VPS13B: variants seen among roughly 807,000 people sequenced by gnomAD.
The protein encoded by VPS13B is intermembrane lipid transfer protein VPS13B.
VPS13B carries 285 observed loss-of-function variants against 426.4 expected under a neutral mutation model. The observed-to-expected ratio is 0.67, with a 90% CI of 0.61 to 0.74. The LOEUF is 0.74. VPS13B is among the 30% of genes least tolerant of loss of function. The probability of loss-of-function intolerance (pLI) is 0.00; values close to 1 mark genes in which losing one functional copy is unlikely to be tolerated. For missense variants in VPS13B, 4,537 were observed against 4,782.6 expected (o/e 0.95, Z 1.51); for synonymous variants, 1,676 against 1,676.4 (o/e 1.00, Z 0.01).
At chr8:99,352,440 T>A (rs1408468678) in intron 19 of VPS13B, among the ~76,000 whole-genome samples, 1 of 152,186 alleles carries the variant, frequency 6.6e-6, no homozygotes, top group Non-Finnish European at 1.5e-5. Flanking sequence ...CCATAGAGAT[T>A]ATTAGAAGAA....
chr8:99,857,408 G>T (rs757171360), intron 56 of VPS13B, among the ~76,000 whole-genome samples: 1 of 152,170 alleles, frequency 6.6e-6, no homozygotes, highest in East Asian at 1.9e-4. Context: ...ACCTTCTGCC[G>T]TTAGGTACAC....
chr8:99,763,983 C>A (rs1288610254), intron 39 of VPS13B, among the ~76,000 whole-genome samples: 1 of 152,080 alleles, frequency 6.6e-6, no homozygotes, highest in African/African-American at 2.4e-5. Context: ...AACATTTAGT[C>A]CTGTTGAAAG....
At chr8:99,178,119 C>G (rs185953220) in intron 16 of VPS13B, among the ~76,000 whole-genome samples, 84 of 150,954 alleles carry the variant, frequency 5.6e-4, no homozygotes, top group Admixed American at 2.5e-3. Context: ...TTTTTCTTAA[C>G]TGTGTTTTGA....
At chr8:99,133,190 G>T (rs939636728) in intron 8 of VPS13B, among the ~76,000 whole-genome samples, 7 of 152,176 alleles carry the variant, frequency 4.6e-5, no homozygotes, top group African/African-American at 1.7e-4. Context: ...GGGTAACTGC[G>T]TGCAGCTTCT....
At chr8:99,026,978 G>T (rs1026605048) in intron 2 of VPS13B, among the ~76,000 whole-genome samples, 2 of 152,142 alleles carry the variant, frequency 1.3e-5, no homozygotes, top group African/African-American at 4.8e-5. Context: ...CCAGGTTCAA[G>T]TGATTCTCCC....
rs1814824684 is a variant in VPS13B, at chr8:99,828,392, CCGTTTTTTTTT to C, written c.9331-3976_9331-3966del. Among the ~76,000 whole-genome samples, 43 of 47,644 alleles carry C rather than the reference CCGTTTTTTTTT, an allele frequency of 9.0e-4. 1 individual carries two copies. Among genetic ancestry groups the C allele is most frequent in the East Asian group, 2.9e-3 (4 of 1,378 alleles). 31.3% of individuals were successfully genotyped at this position (47,644 alleles called of 152,430 possible). A position where few individuals can be genotyped will look rare whatever the true frequency, so the allele number is the denominator to read the frequency against. On this transcript the variant is annotated intron_variant, in intron 51 of 61. Coordinates refer to ENST00000357162, the MANE Select transcript of VPS13B (RefSeq NM_152564.5). ...TTATCAGAGACTAGGATTACAACCA[CCGTTTTTTTTT>C]TTTTTTTTTTTTTTTTTTTTTTTTT... is the stretch of plus-strand genomic sequence containing the variant.
At chr8:99,637,443 TC>T (rs900958803) in intron 33 of VPS13B, among the ~76,000 whole-genome samples, 1 of 152,100 alleles carries the variant, frequency 6.6e-6, no homozygotes, top group Non-Finnish European at 1.5e-5. Flanking sequence ...TTCTTTTCCT[TC>T]CAATGAAAGC....
intron 35 of VPS13B, among the ~76,000 whole-genome samples, chr8:99,676,536 C>G (rs1044792934): frequency 6.6e-6 from 1 of 151,732 alleles, no homozygotes; most frequent in African/African-American, 2.4e-5. Flanking sequence ...TCTAGTTCCC[C>G]CAAGCAGACG....
chr8:99,461,539 A>ATT (rs147462420), intron 23 of VPS13B, among the ~76,000 whole-genome samples: 5 of 151,534 alleles, frequency 3.3e-5, no homozygotes, highest in Non-Finnish European at 5.9e-5. Flanking sequence ...AGCTAGATAA[A>ATT]TTTTTTTTTA....
At chr8:99,395,073 A>G (rs1363804897) in intron 21 of VPS13B, among the ~76,000 whole-genome samples, 1 of 152,246 alleles carries the variant, frequency 6.6e-6, no homozygotes, top group African/African-American at 2.4e-5. Context: ...CCTCATAGAA[A>G]GGAAACAAAG....
chr8:99,234,008 C>G, intron 17 of VPS13B: 1 of 775,036 alleles, frequency 1.3e-6, no homozygotes, highest in Non-Finnish European at 2.4e-6. Flanking sequence ...TATGGTCAAG[C>G]CCTCCTTTCA....
At chr8:99,541,111 T>C (rs775118012) in intron 30 of VPS13B, among the ~76,000 whole-genome samples, 5 of 152,290 alleles carry the variant, frequency 3.3e-5, no homozygotes, top group Admixed American at 1.3e-4. Flanking sequence ...ATACCCTATA[T>C]ACTGTATTTT....
intron 43 of VPS13B, among the ~76,000 whole-genome samples, chr8:99,785,870 T>C (rs912030242): frequency 6.6e-6 from 1 of 152,178 alleles, no homozygotes; most frequent in Admixed American, 6.5e-5. Context: ...ATGAATTATG[T>C]GGGACAGGAA....
rs558202539 is a variant in VPS13B, at chr8:99,246,619, G to T, written c.2516-27579G>T. ...GCGGTGGCTCACGCCTGTAATCCCA[G>T]CACTTTGGGAGGCCGAGGTGGGTGG... On this transcript the variant is annotated intron_variant, in intron 17 of 61. Transcript: ENST00000357162. 1.4e-4 allele frequency among the ~76,000 whole-genome samples: 22 copies of T among 152,202 alleles called. 1 individual carries two copies. Among genetic ancestry groups the T allele is most frequent in the African/African-American group, 5.3e-4 (22 of 41,546 alleles).
Position 99,699,568 on chromosome 8 carries a change from G to A in VPS13B, c.6090G>A (p.Leu2030=). The change falls in exon 36 of 62, where the codon CTG becomes CTA. Residue 2030 remains leucine (L), a synonymous_variant. Coordinates refer to ENST00000357162, the MANE Select transcript of VPS13B (RefSeq NM_152564.5). ...TATCAAAGCCTTTGAAAGCAAACCTGAGTTTCACCAAACTGGATCAGATAA... is the reference window on the plus strand; with the variant it reads ...TATCAAAGCCTTTGAAAGCAAACCTAAGTTTCACCAAACTGGATCAGATAA... ...LDISKPLKAN[L]SFTKLDQINL... 6.2e-7 allele frequency: 1 copy of A among 1,613,992 alleles called. No individual in the cohort carries two copies. The highest frequency in any genetic ancestry group is 8.5e-7 in the Non-Finnish European group (1 of 1,179,998).
intron 19 of VPS13B, among the ~76,000 whole-genome samples, chr8:99,315,575 C>G (rs1275062046): frequency 6.7e-6 from 1 of 150,102 alleles, no homozygotes; most frequent in African/African-American, 2.5e-5. Context: ...TGTGTGTTCT[C>G]TTATATCTCA....
At position 99,760,001 on chromosome 8, in the gene VPS13B, G is replaced by C. The variant is rs560735557; in HGVS notation, c.7051-6773G>C. 3.3e-5 allele frequency among the ~76,000 whole-genome samples: 5 copies of C among 151,610 alleles called. No individual in the cohort carries two copies. In the South Asian group the frequency reaches 8.4e-4, roughly 25 times the overall value. ...TATTATTGTTATTATTTTTGAGACA[G>C]AGTCTCACTCTGTCACCCAGGCTGG... On this transcript the variant is annotated intron_variant, in intron 39 of 61. Coordinates refer to ENST00000357162, the MANE Select transcript of VPS13B (RefSeq NM_152564.5).
chr8:99,407,237 T>C (rs148044772), intron 21 of VPS13B, among the ~76,000 whole-genome samples: 49 of 152,326 alleles, frequency 3.2e-4, no homozygotes, highest in Middle Eastern at 3.4e-3. Flanking sequence ...ATTTAGGTTA[T>C]TTCTGAAACT....
chr8:99,162,648 G>T (rs1811733580), intron 15 of VPS13B, among the ~76,000 whole-genome samples: 1 of 152,162 alleles, frequency 6.6e-6, no homozygotes, highest in Non-Finnish European at 1.5e-5. Context: ...GTCTGGAGTT[G>T]TTCGTTCCTC....
Sources: gnomAD v4.1 joint callset for allele counts (sites outside exome capture counted in the v4.1 genomes callset) on GRCh38, gnomAD v4.1.1 for gene constraint, MANE v1.5 for transcripts, NCBI Gene and HGNC (gene_info 2026-07-23, HGNC 2026-07-21) for gene names.